COG5: variants seen among roughly 807,000 people sequenced by gnomAD.
The protein encoded by COG5 is conserved oligomeric Golgi complex subunit 5.
A neutral mutation model predicts 110.4 loss-of-function variants in COG5; 86 were observed. That is an observed-to-expected ratio of 0.78 (90% CI 0.65 to 0.93). The LOEUF is 0.93. Ranked by LOEUF, COG5 falls within the 40% of genes least tolerant of loss-of-function variation. The pLI is 0.00. For synonymous variants in COG5, 360 were observed against 334.6 expected (o/e 1.08, Z -0.83); for missense variants, 1,077 against 987.0 (o/e 1.09, Z -1.22).
chr7:107,404,885 G>GAAAAAAAAAAAAAAAAAAAAAAAAAATA (rs59988899), intron 7 of COG5, among the ~76,000 whole-genome samples: 1 of 32,404 alleles, frequency 3.1e-5, no homozygotes, highest in Non-Finnish European at 7.1e-5. Flanking sequence ...TTCAGAAGAT[G>GAAAAAAAAAAAAAAAAAAAAAAAAAATA]AAAAAAAAAA....
At chr7:107,284,806 T>G (rs1050616449) in intron 12 of COG5, among the ~76,000 whole-genome samples, 1 of 152,242 alleles carries the variant, frequency 6.6e-6, no homozygotes, top group Non-Finnish European at 1.5e-5. Flanking sequence ...TCCTTACTCC[T>G]ATAATTAATT....
chr7:107,537,900 C>A (rs961233144), intron 5 of COG5, among the ~76,000 whole-genome samples: 1 of 152,000 alleles, frequency 6.6e-6, no homozygotes, highest in African/African-American at 2.4e-5. Flanking sequence ...ACTTCATACC[C>A]AATAATGATA....
chr7:107,383,408 C>T (rs1388767421), intron 7 of COG5, among the ~76,000 whole-genome samples: 3 of 152,156 alleles, frequency 2.0e-5, no homozygotes, highest in African/African-American at 7.2e-5. Context: ...CAAGCCAACC[C>T]CAACCTTCCT....
At chr7:107,501,980 A>C (rs548366023) in intron 6 of COG5, among the ~76,000 whole-genome samples, 2 of 152,266 alleles carry the variant, frequency 1.3e-5, no homozygotes, top group South Asian at 2.1e-4. Flanking sequence ...ACTCACAATA[A>C]AGGGAAAACG....
intron 6 of COG5, among the ~76,000 whole-genome samples, chr7:107,498,832 G>T (rs1217644853): frequency 1.3e-5 from 2 of 152,100 alleles, no homozygotes; most frequent in Non-Finnish European, 2.9e-5. Flanking sequence ...TCTTGAGGAG[G>T]TATCTGCACT....
At chr7:107,272,562 A>G (rs1804364700) in intron 14 of COG5, among the ~76,000 whole-genome samples, 1 of 152,146 alleles carries the variant, frequency 6.6e-6, no homozygotes, top group Non-Finnish European at 1.5e-5. Flanking sequence ...GGGGTTCACA[A>G]TTTCAAAAAT....
At chr7:107,254,571 T>G (rs923937536) in intron 16 of COG5, among the ~76,000 whole-genome samples, 6 of 152,156 alleles carry the variant, frequency 3.9e-5, no homozygotes, top group African/African-American at 1.4e-4. Context: ...AAAATTGGTA[T>G]GCCTTAGCAA....
At chr7:107,390,922 T>C (rs1790578591) in intron 7 of COG5, among the ~76,000 whole-genome samples, 1 of 151,640 alleles carries the variant, frequency 6.6e-6, no homozygotes, top group Non-Finnish European at 1.5e-5. Flanking sequence ...CCAGAAGGTT[T>C]TTGCAAAAGC....
At chr7:107,295,813 A>G (rs1310556363) in intron 12 of COG5, among the ~76,000 whole-genome samples, 1 of 152,066 alleles carries the variant, frequency 6.6e-6, no homozygotes, top group Admixed American at 6.6e-5. Context: ...ATTTTTTGAG[A>G]CTGAGTCTTG....
At chr7:107,533,207 A>C (rs897431237) in intron 5 of COG5, among the ~76,000 whole-genome samples, 10 of 151,458 alleles carry the variant, frequency 6.6e-5, no homozygotes, top group Admixed American at 1.3e-4. Context: ...CACGAAGATG[A>C]GGAAAAACCA....
intron 6 of COG5, among the ~76,000 whole-genome samples, chr7:107,417,751 G>A (rs1403250151): frequency 6.6e-6 from 1 of 152,034 alleles, no homozygotes; most frequent in Non-Finnish European, 1.5e-5. Context: ...TAAGAAATAT[G>A]TTCTCATTGA....
At chr7:107,518,222 C>A (rs528902266) in intron 6 of COG5, among the ~76,000 whole-genome samples, 2 of 152,206 alleles carry the variant, frequency 1.3e-5, no homozygotes, top group African/African-American at 4.8e-5. Flanking sequence ...ATGAAAACAC[C>A]AATGACACTA....
Position 107,395,241 on chromosome 7 carries a change from G to A in COG5, c.669+17261C>T, listed in dbSNP as rs191705862. ...AACCCCAGAATCACATTAAAAAGAC[G>A]GGGAAAGGGTGGGGTGGAAAGAAAA... On this transcript the variant is annotated intron_variant, in intron 7 of 21. Transcript: ENST00000297135. Among the ~76,000 whole-genome samples, 5 of 152,186 alleles carry A rather than the reference G, an allele frequency of 3.3e-5. No individual in the cohort carries two copies. The South Asian group carries it at 8.3e-4, about 25-fold the overall frequency.
chr7:107,382,010 C>A (rs557635040), intron 7 of COG5, among the ~76,000 whole-genome samples: 1 of 152,278 alleles, frequency 6.6e-6, no homozygotes, highest in South Asian at 2.1e-4. Context: ...TCTTTTGCAA[C>A]ATGACACAAC....
At chr7:107,326,769 T>TA (rs1437683541) in intron 10 of COG5, among the ~76,000 whole-genome samples, 1 of 151,964 alleles carries the variant, frequency 6.6e-6, no homozygotes, top group South Asian at 2.1e-4. Context: ...TTTGCAGAAA[T>TA]AAAAAAATAC....
Position 107,371,382 on chromosome 7 carries a change from G to C in COG5, c.835+1213C>G, listed in dbSNP as rs147322390. ...AGGAAAGAGGATTGCTTGAGGCCAG[G>C]AGTTCAAGACCAACTGGGGCAACAT... On this transcript the variant is annotated intron_variant, in intron 8 of 21. Coordinates refer to ENST00000297135, the MANE Select transcript of COG5 (RefSeq NM_006348.5). 3.0e-3 allele frequency among the ~76,000 whole-genome samples: 449 copies of C among 152,138 alleles called. 3 individuals are homozygous for C. Among genetic ancestry groups the C allele is most frequent in the African/African-American group, 0.01 (435 of 41,514 alleles).
chr7:107,411,885 T>A (rs1473609789), intron 7 of COG5, among the ~76,000 whole-genome samples: 4 of 152,136 alleles, frequency 2.6e-5, no homozygotes, highest in Non-Finnish European at 4.4e-5. Context: ...AATACAAGGG[T>A]AGATCTAAGA....
At chr7:107,508,520 T>A (rs1799217686) in intron 6 of COG5, among the ~76,000 whole-genome samples, 1 of 152,152 alleles carries the variant, frequency 6.6e-6, no homozygotes, top group Non-Finnish European at 1.5e-5. Flanking sequence ...TCTGACAGCT[T>A]TGAAGAGAGT....
At chr7:107,373,138 T>G (rs1022536792) in intron 7 of COG5, among the ~76,000 whole-genome samples, 1 of 152,140 alleles carries the variant, frequency 6.6e-6, no homozygotes, top group Admixed American at 6.5e-5. Flanking sequence ...GACAATAAAT[T>G]AATTCTGTGG....
Sources: gnomAD v4.1 joint callset for allele counts (sites outside exome capture counted in the v4.1 genomes callset) on GRCh38, gnomAD v4.1.1 for gene constraint, MANE v1.5 for transcripts, NCBI Gene and HGNC (gene_info 2026-07-23, HGNC 2026-07-21) for gene names.